The following AFTPH variants were observed in gnomAD, a reference collection of about 807,000 sequenced individuals.
AFTPH encodes the protein aftiphilin.
Under a neutral mutation model 72.5 loss-of-function variants are expected in AFTPH, and 7 were observed. The observed-to-expected ratio is 0.10, with a 90% CI of 0.05 to 0.18. The LOEUF (loss-of-function observed/expected upper bound fraction) is 0.18. Ranked by LOEUF, AFTPH falls within the 10% of genes least tolerant of loss-of-function variation. The pLI is 1.00. For missense variants in AFTPH, 979 were observed against 1,060.5 expected (o/e 0.92, Z 1.07); for synonymous variants, 337 against 370.1 (o/e 0.91, Z 1.03).
chr2:64,585,490 A>G (rs751465275), exon 8 of AFTPH: 21 of 1,613,708 alleles, frequency 1.3e-5, no homozygotes, highest in Non-Finnish European at 1.7e-5. Context: ...CCTCAAAGTG[A>G]CTGATGCATT....
rs1249170569 is a variant in AFTPH, at chr2:64,557,639, T to C, written c.1935+4230T>C. Among the ~76,000 whole-genome samples, 3 of 152,318 alleles carry C rather than the reference T, an allele frequency of 2.0e-5. No individual in the cohort carries two copies. In the East Asian group the frequency reaches 5.8e-4, roughly 29 times the overall value. On this transcript the variant is annotated intron_variant, in intron 2 of 8. Coordinates refer to ENST00000238856, the Ensembl canonical transcript of AFTPH. ...TGATTACAGGCATAGAAACTCAGTG[T>C]TCTTAAACTGAATATAACCAGTCCT...
exon 2 of AFTPH, chr2:64,553,106 T>C (rs777691325): frequency 7.4e-6 from 12 of 1,614,092 alleles, no homozygotes; most frequent in Non-Finnish European, 1.0e-5. Context: ...CTGTGCCAAA[T>C]ATTCAGGATG....
intron 6 of AFTPH, among the ~76,000 whole-genome samples, chr2:64,575,134 T>C (rs1672684072): frequency 6.6e-6 from 1 of 152,216 alleles, no homozygotes; most frequent in African/African-American, 2.4e-5. Flanking sequence ...TTTTTTCCTC[T>C]AGCTGATTTG....
intron 2 of AFTPH, among the ~76,000 whole-genome samples, chr2:64,564,625 A>G (rs956426196): frequency 1.4e-5 from 2 of 145,790 alleles, no homozygotes; most frequent in African/African-American, 2.8e-5. Flanking sequence ...AAAAAATAAA[A>G]AATAAAAAAT....
intron 2 of AFTPH, among the ~76,000 whole-genome samples, chr2:64,565,461 C>T (rs113401792): frequency 1.9e-4 from 24 of 125,638 alleles, no homozygotes; most frequent in African/African-American, 6.3e-4. Context: ...GGTGACAGAG[C>T]GAGACTCTAT....
chr2:64,589,582 A>G (rs1416521413), intron 8 of AFTPH, among the ~76,000 whole-genome samples: 11 of 137,974 alleles, frequency 8.0e-5, no homozygotes, highest in Admixed American at 7.0e-4. Context: ...TGCACAAACT[A>G]TGAACTGTGT....
At chr2:64,562,026 A>G (rs546305391) in intron 2 of AFTPH, among the ~76,000 whole-genome samples, 1 of 152,346 alleles carries the variant, frequency 6.6e-6, no homozygotes, top group Admixed American at 6.5e-5. Flanking sequence ...CTTTGGATCA[A>G]ATATCTGCTG....
At chr2:64,536,304 G>A (rs532781112) in intron 1 of AFTPH, among the ~76,000 whole-genome samples, 4 of 152,254 alleles carry the variant, frequency 2.6e-5, no homozygotes, top group African/African-American at 4.8e-5. Context: ...GGTGGCTCAC[G>A]CCTGTAATCC....
At chr2:64,575,361 C>T (rs968816871) in intron 6 of AFTPH, among the ~76,000 whole-genome samples, 2 of 152,108 alleles carry the variant, frequency 1.3e-5, no homozygotes, top group Non-Finnish European at 2.9e-5. Context: ...CTTGGTGGCT[C>T]ATGCCTGTAA....
At chr2:64,527,569 A>T (rs1669352057) in intron 1 of AFTPH, among the ~76,000 whole-genome samples, 1 of 143,192 alleles carries the variant, frequency 7.0e-6, no homozygotes, top group Non-Finnish European at 1.5e-5. Flanking sequence ...AACAAGAGCA[A>T]AACATCATCT....
At chr2:64,569,801 A>C in intron 5 of AFTPH, 122 bp downstream of exon 5, 1 of 781,804 alleles carries the variant, frequency 1.3e-6, no homozygotes, top group Non-Finnish European at 2.1e-6. Flanking sequence ...TCTGAAGGGT[A>C]TAAATAGATC....
intron 1 of AFTPH, among the ~76,000 whole-genome samples, chr2:64,542,181 A>G (rs1346564912): frequency 3.3e-5 from 5 of 152,130 alleles, no homozygotes; most frequent in Admixed American, 2.6e-4. Context: ...ACTTGTCTGG[A>G]AAGAACTCTC....
At chr2:64,562,527 C>A (rs1053205711) in intron 2 of AFTPH, among the ~76,000 whole-genome samples, 1 of 152,106 alleles carries the variant, frequency 6.6e-6, no homozygotes, top group Non-Finnish European at 1.5e-5. Context: ...AACTATACTT[C>A]CTGGGTAGGA....
At chr2:64,538,600 A>G (rs1670016858) in intron 1 of AFTPH, among the ~76,000 whole-genome samples, 1 of 152,156 alleles carries the variant, frequency 6.6e-6, no homozygotes, top group African/African-American at 2.4e-5. Context: ...AGTTTGGTTA[A>G]TTGTTTTGTT....
At chr2:64,568,573 T>C (rs1268686753) in intron 3 of AFTPH, among the ~76,000 whole-genome samples, 3 of 152,170 alleles carry the variant, frequency 2.0e-5, no homozygotes, top group Non-Finnish European at 4.4e-5. Context: ...TCACATTCAA[T>C]TTATAGTTTA....
At chr2:64,590,467 G>A (rs964147530) in intron 8 of AFTPH, among the ~76,000 whole-genome samples, 2 of 152,148 alleles carry the variant, frequency 1.3e-5, no homozygotes, top group African/African-American at 4.8e-5. Flanking sequence ...TGAGATTGAC[G>A]ATTGGTGAGA....
In AFTPH at chr2:64,575,699, G is replaced by GTA. The variant is rs200864520; in HGVS notation, c.2394+2635_2394+2636dup. ...AAATTTTATATATATATGTATGTGTGTATATGTGTGTGTGTGTGTGTGTGT... is the reference window on the plus strand; with the variant it reads ...AAATTTTATATATATATGTATGTGTGTATATATGTGTGTGTGTGTGTGTGTGT... On this transcript the variant is annotated intron_variant, in intron 6 of 8. Coordinates refer to ENST00000238856, the Ensembl canonical transcript of AFTPH. Among the ~76,000 whole-genome samples the GTA allele has an allele frequency of 1.3e-3, 152 of 120,608 alleles. 1 individual carries two copies. Among genetic ancestry groups the GTA allele is most frequent in the Middle Eastern group, 8.0e-3 (2 of 250 alleles). 79.1% of individuals were successfully genotyped at this position (120,608 alleles called of 152,430 possible).
chr2:64,547,919 G>A (rs533716500), intron 1 of AFTPH, among the ~76,000 whole-genome samples: 2 of 152,064 alleles, frequency 1.3e-5, no homozygotes, highest in East Asian at 3.9e-4. Context: ...CCAAGTAGCT[G>A]GACTACAGGT....
intron 7 of AFTPH, 155 bp from the exon 8 acceptor site, chr2:64,581,035 C>T (rs561564807): frequency 5.5e-6 from 3 of 542,342 alleles, no homozygotes; most frequent in East Asian, 3.3e-5. Context: ...TAATACTGTA[C>T]ACATTGTTTT....
Sources: allele counts gnomAD v4.1 joint callset (sites outside exome capture counted in the v4.1 genomes callset), GRCh38; gene constraint gnomAD v4.1.1; transcripts MANE v1.5; gene names NCBI Gene and HGNC (gene_info 2026-07-23, HGNC 2026-07-21).